The following CEP63 variants were observed in gnomAD, a reference collection of about 807,000 sequenced individuals.
The protein encoded by CEP63 is centrosomal protein of 63 kDa.
CEP63 carries 84 observed loss-of-function variants against 89.1 expected under a neutral mutation model. The observed-to-expected ratio is 0.94, with a 90% CI of 0.79 to 1.13. The LOEUF is 1.13. CEP63 is among the 50% of genes most tolerant of loss of function. CEP63 has a pLI of 0.00. For missense variants in CEP63, 838 were observed against 813.3 expected, an observed-to-expected ratio of 1.03 and a Z score of -0.37; for synonymous variants, 267 against 272.5, an observed-to-expected ratio of 0.98 and a Z score of 0.20.
chr3:134,554,663 A>G (rs1207438302), intron 12 of CEP63, among the ~76,000 whole-genome samples: 2 of 152,014 alleles, frequency 1.3e-5, no homozygotes, highest in Admixed American at 6.6e-5. Flanking sequence ...CGCCACACTG[A>G]CTTCCACAAT....
At chr3:134,717,561 C>T in the CEP63 span, among the ~76,000 whole-genome samples, 100 of 152,258 alleles carry the variant, frequency 6.6e-4, no homozygotes, top group African/African-American at 2.4e-3. Context: ...GAGAGTGTGT[C>T]TTTAACGAGG....
intron 3 of CEP63, among the ~76,000 whole-genome samples, chr3:134,508,192 T>A (rs1407153826): frequency 1.3e-5 from 2 of 152,230 alleles, no homozygotes; most frequent in African/African-American, 4.8e-5. Context: ...TTGTTAAAAA[T>A]GTTATTATGC....
chr3:134,486,591 C>G, intron 1 of CEP63: 11 of 902,436 alleles, frequency 1.2e-5, no homozygotes, highest in Non-Finnish European at 1.4e-5. Context: ...ACTCACCTTC[C>G]CCGGCGGACC....
the CEP63 span, among the ~76,000 whole-genome samples, chr3:134,648,114 C>T: frequency 1.3e-5 from 2 of 152,328 alleles, no homozygotes; most frequent in South Asian, 2.1e-4. Flanking sequence ...AGGTCGAGTT[C>T]CTGGCACAGC....
chr3:134,661,413 C>T, the CEP63 span, among the ~76,000 whole-genome samples: 5 of 152,314 alleles, frequency 3.3e-5, no homozygotes, highest in South Asian at 2.1e-4. Context: ...CATCCAATTA[C>T]GATTCCTTCA....
chr3:134,755,292 G>A, the CEP63 span, among the ~76,000 whole-genome samples: 2 of 152,200 alleles, frequency 1.3e-5, no homozygotes, highest in African/African-American at 4.8e-5. Context: ...CTCCCAGCCA[G>A]GAGAAGGGGC....
At chr3:134,757,840 G>A in the CEP63 span, among the ~76,000 whole-genome samples, 2 of 152,122 alleles carry the variant, frequency 1.3e-5, no homozygotes, top group Admixed American at 1.3e-4. Context: ...CAGTGTTAGG[G>A]AGGAGCAAAG....
the CEP63 span, among the ~76,000 whole-genome samples, chr3:134,716,692 C>T: frequency 6.6e-6 from 1 of 152,202 alleles, no homozygotes; most frequent in Non-Finnish European, 1.5e-5. Flanking sequence ...ATCCAAACTC[C>T]TCTGTTGGTA....
chr3:134,707,735 T>TTCTC, the CEP63 span, among the ~76,000 whole-genome samples: 2 of 51,082 alleles, frequency 3.9e-5, no homozygotes, highest in African/African-American at 1.6e-4. Flanking sequence ...ACTTTGATTC[T>TTCTC]TTTCTTTTTT....
the CEP63 span, among the ~76,000 whole-genome samples, chr3:134,744,929 T>G: frequency 6.6e-6 from 1 of 152,212 alleles, no homozygotes; most frequent in Non-Finnish European, 1.5e-5. Flanking sequence ...CCAGCCTTAT[T>G]GAGGTATGAG....
the CEP63 span, chr3:134,651,736 C>G: frequency 1.9e-6 from 1 of 538,836 alleles, no homozygotes; most frequent in Non-Finnish European, 2.4e-6. Flanking sequence ...AAGCCTGGCT[C>G]CTGCCCTGTG....
the CEP63 span, among the ~76,000 whole-genome samples, chr3:134,682,585 T>C: frequency 6.6e-6 from 1 of 152,214 alleles, no homozygotes; most frequent in African/African-American, 2.4e-5. Flanking sequence ...CTGTGGGATA[T>C]GAAATATTTT....
the CEP63 span, among the ~76,000 whole-genome samples, chr3:134,777,608 ATTTTTTTTTTTT>A: frequency 3.0e-5 from 3 of 100,186 alleles, no homozygotes; most frequent in Admixed American, 1.2e-4. Context: ...AAAGAATAGA[ATTTTTTTTTTTT>A]TTTTTTTTTT....
chr3:134,490,916 G>A (rs1937403113), intron 1 of CEP63, among the ~76,000 whole-genome samples: 1 of 152,122 alleles, frequency 6.6e-6, no homozygotes, highest in African/African-American at 2.4e-5. Context: ...TGTAGAGATT[G>A]TTATTCCTTT....
chr3:134,511,024 C>A (rs9829092), intron 3 of CEP63: 1 of 164,056 alleles, frequency 6.1e-6, no homozygotes, highest in African/African-American at 2.4e-5. Context: ...TGCTGTGCTA[C>A]GAATGTCCTT....
chr3:134,708,164 G>A, the CEP63 span, among the ~76,000 whole-genome samples: 1 of 152,302 alleles, frequency 6.6e-6, no homozygotes, highest in South Asian at 2.1e-4. Flanking sequence ...CTAAGCTCTG[G>A]CCACAGTCCT....
At chr3:134,755,285 C>T in the CEP63 span, among the ~76,000 whole-genome samples, 8 of 152,226 alleles carry the variant, frequency 5.3e-5, no homozygotes, top group Admixed American at 3.3e-4. Context: ...CCTGGAGCTC[C>T]CAGCCAGGAG....
chr3:134,557,964 C>T (rs562070009), intron 12 of CEP63, among the ~76,000 whole-genome samples, 178 bp from the exon 13 acceptor site: 2 of 152,292 alleles, frequency 1.3e-5, no homozygotes, highest in South Asian at 2.1e-4. Context: ...TGTTCCACTA[C>T]CATTTACTTG....
chr3:134,643,689 G>A, the CEP63 span, among the ~76,000 whole-genome samples: 1 of 152,166 alleles, frequency 6.6e-6, no homozygotes, highest in Non-Finnish European at 1.5e-5. Context: ...CCCAACTTTG[G>A]TGTCACCAGG....
Sources: gnomAD v4.1 joint callset for allele counts (sites outside exome capture counted in the v4.1 genomes callset) on GRCh38, gnomAD v4.1.1 for gene constraint, MANE v1.5 for transcripts, NCBI Gene and HGNC (gene_info 2026-07-23, HGNC 2026-07-21) for gene names.